PRDM6: variants seen among roughly 807,000 people sequenced by gnomAD.
PRDM6 encodes the protein PR/SET domain 6.
In PRDM6, 25 loss-of-function variants were observed where a neutral mutation model predicts 60.8. The ratio of observed to expected loss-of-function variants is 0.41; its 90% confidence interval spans 0.30 to 0.57. The LOEUF is 0.57. PRDM6 is among the 20% of genes least tolerant of loss of function. PRDM6 has a pLI of 0.27. For missense variants in PRDM6, 839 were observed against 821.3 expected, an observed-to-expected ratio of 1.02 and a Z score of -0.26; for synonymous variants, 407 against 357.4, an observed-to-expected ratio of 1.14 and a Z score of -1.57.
chr5:123,164,003 C>G (rs990427981), intron 5 of PRDM6, among the ~76,000 whole-genome samples: 1 of 152,128 alleles, frequency 6.6e-6, no homozygotes, highest in African/African-American at 2.4e-5. Context: ...GAAACTAGGT[C>G]AGAGTCAGGA....
At chr5:123,150,456 G>A (rs1246224934) in intron 3 of PRDM6, among the ~76,000 whole-genome samples, 5 of 151,996 alleles carry the variant, frequency 3.3e-5, no homozygotes, top group Admixed American at 6.6e-5. Flanking sequence ...AAGAAATCTG[G>A]TTACTAATTT....
intron 3 of PRDM6, among the ~76,000 whole-genome samples, chr5:123,126,274 C>T (rs1764692324): frequency 6.6e-6 from 1 of 152,116 alleles, no homozygotes; most frequent in Non-Finnish European, 1.5e-5. Flanking sequence ...GAGGCTGCCT[C>T]CAGGGTTCCA....
intron 4 of PRDM6, among the ~76,000 whole-genome samples, chr5:123,159,153 T>C (rs768368128): frequency 6.6e-6 from 1 of 152,206 alleles, no homozygotes; most frequent in African/African-American, 2.4e-5. Context: ...CAATAGTATT[T>C]ATATATGAGG....
chr5:123,123,125 T>C (rs1445765113), intron 3 of PRDM6, among the ~76,000 whole-genome samples: 1 of 152,258 alleles, frequency 6.6e-6, no homozygotes, highest in African/African-American at 2.4e-5. Flanking sequence ...AAAGGTTATA[T>C]CAGTTTACAC....
chr5:123,118,816 CT>C (rs1329491816), intron 3 of PRDM6, among the ~76,000 whole-genome samples: 1 of 152,004 alleles, frequency 6.6e-6, no homozygotes, highest in Non-Finnish European at 1.5e-5. Flanking sequence ...AATTTTTTTT[CT>C]TTTCTTTCCT....
At chr5:123,161,064 G>A (rs1276885675) in intron 5 of PRDM6, among the ~76,000 whole-genome samples, 2 of 152,202 alleles carry the variant, frequency 1.3e-5, no homozygotes, top group Admixed American at 1.3e-4. Context: ...CTGTAGGTTG[G>A]AACCTTGATG....
chr5:123,144,704 C>T (rs1361486418), intron 3 of PRDM6, among the ~76,000 whole-genome samples: 4 of 152,162 alleles, frequency 2.6e-5, no homozygotes, highest in African/African-American at 7.2e-5. Context: ...CTCAACTCTG[C>T]AGACACTTTT....
At chr5:123,157,545 G>A (rs928091798) in intron 4 of PRDM6, among the ~76,000 whole-genome samples, 22 of 152,086 alleles carry the variant, frequency 1.4e-4, no homozygotes, top group Non-Finnish European at 2.8e-4. Context: ...TCATGACGGC[G>A]CTTACACTAT....
chr5:123,137,398 AT>A (rs1764984863), intron 3 of PRDM6, among the ~76,000 whole-genome samples: 1 of 152,220 alleles, frequency 6.6e-6, no homozygotes, highest in Non-Finnish European at 1.5e-5. Context: ...AGAGCTTAAA[AT>A]TACTCACCCT....
intron 7 of PRDM6, among the ~76,000 whole-genome samples, chr5:123,186,856 G>A (rs1766299507): frequency 6.6e-6 from 1 of 152,178 alleles, no homozygotes; most frequent in Non-Finnish European, 1.5e-5. Flanking sequence ...AGGGCTCTCT[G>A]GAGAAATCAC....
chr5:123,119,974 A>T (rs1204805727), intron 3 of PRDM6, among the ~76,000 whole-genome samples: 1 of 152,012 alleles, frequency 6.6e-6, no homozygotes, highest in African/African-American at 2.4e-5. Flanking sequence ...TTAACTTAAA[A>T]TTTTTTCATT....
At chr5:123,131,118 G>A (rs1262952151) in intron 3 of PRDM6, among the ~76,000 whole-genome samples, 16 of 151,856 alleles carry the variant, frequency 1.1e-4, no homozygotes, top group Admixed American at 9.8e-4. Context: ...ACTCATATGT[G>A]GGAGCTAAAA....
At chr5:123,116,086 G>T (rs1173586546) in intron 3 of PRDM6, among the ~76,000 whole-genome samples, 2 of 152,144 alleles carry the variant, frequency 1.3e-5, no homozygotes, top group African/African-American at 2.4e-5. Context: ...TGCAGGGAGT[G>T]CTCCGTGCTG....
At chr5:123,149,329 A>G (rs1765323023) in intron 3 of PRDM6, among the ~76,000 whole-genome samples, 3 of 152,180 alleles carry the variant, frequency 2.0e-5, no homozygotes, top group Admixed American at 2.0e-4. Flanking sequence ...ATCCAGGTAC[A>G]TGTGACTGCA....
At chr5:123,137,246 C>T (rs1764979906) in intron 3 of PRDM6, among the ~76,000 whole-genome samples, 1 of 152,170 alleles carries the variant, frequency 6.6e-6, no homozygotes, top group Non-Finnish European at 1.5e-5. Flanking sequence ...ATTCCAAGAC[C>T]TGAATCTGAT....
At chr5:123,130,373 T>C (rs1388878683) in intron 3 of PRDM6, among the ~76,000 whole-genome samples, 1 of 134,858 alleles carries the variant, frequency 7.4e-6, no homozygotes, top group African/African-American at 2.8e-5. Context: ...TCCCTCCTCC[T>C]TTTTTCTCTC....
intron 3 of PRDM6, among the ~76,000 whole-genome samples, chr5:123,141,150 A>T (rs912451830): frequency 1.3e-5 from 2 of 152,034 alleles, no homozygotes; most frequent in Admixed American, 1.3e-4. Flanking sequence ...TAAAATAAAT[A>T]TATCAAATTC....
intron 3 of PRDM6, 145 bp downstream of exon 3, chr5:123,100,106 T>C (rs1764065799): frequency 1.1e-6 from 1 of 895,982 alleles, no homozygotes; most frequent in Non-Finnish European, 1.6e-6. Context: ...GAGAATAGAT[T>C]TCTCTGGTCC....
At chr5:123,128,281 C>A (rs576716829) in intron 3 of PRDM6, among the ~76,000 whole-genome samples, 2 of 152,258 alleles carry the variant, frequency 1.3e-5, no homozygotes, top group South Asian at 4.1e-4. Context: ...TGGGTATATA[C>A]CCAGTAATGG....
Sources: gnomAD v4.1 joint callset for allele counts (sites outside exome capture counted in the v4.1 genomes callset) on GRCh38, gnomAD v4.1.1 for gene constraint, MANE v1.5 for transcripts, NCBI Gene and HGNC (gene_info 2026-07-23, HGNC 2026-07-21) for gene names.